Variants in TSPAN12 observed in about 807,000 individuals in gnomAD.
TSPAN12 encodes tetraspanin-12.
In TSPAN12, 19 loss-of-function variants were observed where a neutral mutation model predicts 39.2. That is an observed-to-expected ratio of 0.49 (90% CI 0.34 to 0.71). TSPAN12 has a LOEUF of 0.71. Ranked by LOEUF, TSPAN12 falls within the 30% of genes least tolerant of loss-of-function variation. The pLI, the probability that TSPAN12 is intolerant of heterozygous loss-of-function variation, is 0.01. For synonymous variants in TSPAN12, 119 were observed against 124.8 expected, an observed-to-expected ratio of 0.95 and a Z score of 0.31; for missense variants, 314 against 359.9, an observed-to-expected ratio of 0.87 and a Z score of 1.03.
chr7:120,818,191 G>A (rs1794121124), intron 4 of TSPAN12, among the ~76,000 whole-genome samples: 1 of 152,198 alleles, frequency 6.6e-6, no homozygotes, highest in African/African-American at 2.4e-5. Context: ...GAAAGAGTGG[G>A]ATGGGGTACA....
chr7:120,821,793 T>A (rs1794192363), intron 4 of TSPAN12, among the ~76,000 whole-genome samples: 1 of 152,078 alleles, frequency 6.6e-6, no homozygotes, highest in Admixed American at 6.6e-5. Context: ...GTAGAGGTAA[T>A]TAGGATTAGA....
rs992151076 is a variant in TSPAN12 at position 120,822,170 on chromosome 7, T to G, written c.286-6367A>C. ...CTTCCTATTTAAGCCCTTGGGGATG[T>G]GTGGGTAAATGCATCCCCTCGTAGA... On this transcript the variant is annotated intron_variant, in intron 4 of 7. Coordinates refer to ENST00000222747, the MANE Select transcript of TSPAN12 (RefSeq NM_012338.4). Among the ~76,000 whole-genome samples the G allele has an allele frequency of 4.6e-5, 7 of 152,268 alleles. No homozygotes were observed. The East Asian group carries it at 1.3e-3, about 29-fold the overall frequency.
At position 120,810,585 on chromosome 7, in the gene TSPAN12, C is replaced by T; in HGVS notation, c.361-15G>A. On this transcript the variant is annotated splice_polypyrimidine_tract_variant and intron_variant, in intron 5 of 7. Coordinates refer to ENST00000222747, the MANE Select transcript of TSPAN12 (RefSeq NM_012338.4). ...TGTACTGGAACCTGGTGATAAAAAG[C>T]AAAATATCAACAGCTGTAGCTCACA... is the stretch of plus-strand genomic sequence containing the variant. 7.0e-7 allele frequency: 1 copy of T among 1,426,740 alleles called. No individual in the cohort carries two copies. The highest frequency in any genetic ancestry group is 1.4e-5 in the African/African-American group (1 of 70,630). 88.4% of individuals were successfully genotyped at this position (1,426,740 alleles called of 1,614,324 possible).
At position 120,810,624 on chromosome 7, in the gene TSPAN12, T is replaced by TCACA. The variant is rs112555207; in HGVS notation, c.361-58_361-55dup. 0.11 allele frequency: 81,692 copies of TCACA among 712,182 alleles called. 1,399 individuals are homozygous for TCACA. Among genetic ancestry groups the TCACA allele is most frequent in the Non-Finnish European group, 0.13 (49,296 of 386,136 alleles). 44.1% of individuals were successfully genotyped at this position (712,182 alleles called of 1,614,324 possible). A position where few individuals can be genotyped will look rare whatever the true frequency, so the allele number is the denominator to read the frequency against. ...CTGTAGCTCACACACAGACACAGAT[T>TCACA]CACACACACACACACACACACACAC... On this transcript the variant is annotated intron_variant, in intron 5 of 7. Transcript: ENST00000222747.
intron 7 of TSPAN12, among the ~76,000 whole-genome samples, chr7:120,801,524 T>G (rs1281961913): frequency 6.6e-6 from 1 of 152,198 alleles, no homozygotes; most frequent in African/African-American, 2.4e-5. Flanking sequence ...TACATAAATC[T>G]GTGGGAATAC....
intron 4 of TSPAN12, among the ~76,000 whole-genome samples, chr7:120,838,206 G>T (rs1248076204): frequency 1.3e-5 from 2 of 151,988 alleles, no homozygotes; most frequent in African/African-American, 4.8e-5. Flanking sequence ...AAAAATGTTT[G>T]CCTACTTTTG....
chr7:120,856,777 A>T lies in TSPAN12; in HGVS notation c.-14T>A. ...TTCTCTGGCCATTGTGAGCCCCGTA[A>T]GGGAGAAGCCCCATCCTTTCACCAC... is the stretch of plus-strand genomic sequence containing the variant. On this transcript the variant is annotated 5_prime_UTR_variant, in exon 2 of 8. Coordinates refer to ENST00000222747, the MANE Select transcript of TSPAN12 (RefSeq NM_012338.4). 6.2e-7 allele frequency: 1 copy of T among 1,614,122 alleles called. No individual in the cohort carries two copies.
chr7:120,826,426 T>C (rs60837162), intron 4 of TSPAN12, among the ~76,000 whole-genome samples: 8,194 of 152,220 alleles, frequency 0.054, 526 homozygotes, highest in East Asian at 0.31. Flanking sequence ...AGCTAAAGTG[T>C]GCAAGCTCAG....
intron 6 of TSPAN12, 70 bp from the exon 7 acceptor site, chr7:120,806,762 A>AT (rs1484296395): frequency 2.8e-5 from 44 of 1,596,372 alleles, no homozygotes; most frequent in Middle Eastern, 3.3e-4. Flanking sequence ...GAGATTAAAC[A>AT]TCAGTTTTTT....
chr7:120,803,757 A>G (rs1435361440), intron 7 of TSPAN12, among the ~76,000 whole-genome samples: 1 of 152,192 alleles, frequency 6.6e-6, no homozygotes, highest in East Asian at 1.9e-4. Context: ...TGGGCTATCA[A>G]CTTGCACATG....
At chr7:120,826,993 G>T (rs183176506) in intron 4 of TSPAN12, among the ~76,000 whole-genome samples, 114 of 152,252 alleles carry the variant, frequency 7.5e-4, no homozygotes, top group African/African-American at 2.5e-3. Context: ...AAAATGCTGA[G>T]ATTATAGGCG....
At chr7:120,856,220 T>G (rs1290438811) in intron 2 of TSPAN12, among the ~76,000 whole-genome samples, 1 of 152,210 alleles carries the variant, frequency 6.6e-6, no homozygotes, top group African/African-American at 2.4e-5. Context: ...TCAGCCTTTC[T>G]GTGATAGGTT....
intron 2 of TSPAN12, among the ~76,000 whole-genome samples, chr7:120,852,825 T>C (rs1014040861): frequency 6.6e-6 from 1 of 152,168 alleles, no homozygotes; most frequent in African/African-American, 2.4e-5. Context: ...GTTATTGAAC[T>C]ACTGAGTACC....
chr7:120,844,904 G>A (rs1217187611), intron 2 of TSPAN12, among the ~76,000 whole-genome samples: 2 of 152,150 alleles, frequency 1.3e-5, no homozygotes, highest in Non-Finnish European at 2.9e-5. Flanking sequence ...ATTTCCCTTC[G>A]GCACTGCTCT....
intron 2 of TSPAN12, among the ~76,000 whole-genome samples, chr7:120,847,473 CT>C (rs1337138655): frequency 6.6e-6 from 1 of 152,188 alleles, no homozygotes; most frequent in Non-Finnish European, 1.5e-5. Context: ...ATTTCAACAT[CT>C]CTAACACTAA....
chr7:120,795,458 C>G (rs539652087), intron 7 of TSPAN12, among the ~76,000 whole-genome samples: 1 of 152,318 alleles, frequency 6.6e-6, no homozygotes, highest in South Asian at 2.1e-4. Flanking sequence ...GGAAATTATA[C>G]ACTTGAAATT....
In TSPAN12 at chr7:120,838,753, T is replaced by C. The variant is rs371019535; in HGVS notation, c.285+24A>G. 5 of 1,609,770 alleles carry C rather than the reference T, an allele frequency of 3.1e-6. No individual in the cohort carries two copies. The Admixed American group carries it at 6.7e-5, about 21-fold the overall frequency. On this transcript the variant is annotated intron_variant, in intron 4 of 7. Transcript: ENST00000222747. The stretch of plus-strand genomic sequence containing the variant: ...TACTGGTTAATCTTTTTAACTATAA[T>C]AAAGAGAAAATATAACATCATACCC...
At position 120,788,851 on chromosome 7, in the gene TSPAN12, A is replaced by G. The variant is rs765637360; in HGVS notation, c.659T>C (p.Leu220Pro). ...GATTCCCAGAAACCTCAGCACCTGC[A>G]GTTGTTTGGTTCCTCTCAAAAAGGA... ...MYSFLRGTKQ[L>P]QVLRFLGISI... The change falls in exon 8 of 8, where the codon CTG (leucine) becomes CCG (proline). Residue 220 changes from leucine to proline, a missense_variant. Leu to Pro is a moderately conservative substitution (Grantham distance 98). Transcript: ENST00000222747. 1.2e-6 allele frequency: 2 copies of G among 1,614,170 alleles called. No individual in the cohort carries two copies. The highest frequency in any genetic ancestry group is 1.7e-6 in the Non-Finnish European group (2 of 1,180,004).
At chr7:120,799,584 GTAATAATATA>G (rs1793712168) in intron 7 of TSPAN12, among the ~76,000 whole-genome samples, 1 of 85,252 alleles carries the variant, frequency 1.2e-5, no homozygotes, top group Admixed American at 1.7e-4. Flanking sequence ...ATAATTATAT[GTAATAATATA>G]ATTATATATA....
Sources: allele counts gnomAD v4.1 joint callset (sites outside exome capture counted in the v4.1 genomes callset), GRCh38; gene constraint gnomAD v4.1.1; transcripts MANE v1.5; gene names NCBI Gene and HGNC (gene_info 2026-07-23, HGNC 2026-07-21).